The following ZNF628 variants were observed in gnomAD, a reference collection of about 807,000 sequenced individuals.
ZNF628 encodes zinc finger protein Zec.
In ZNF628, 3 loss-of-function variants were observed where a neutral mutation model predicts 2.5. That is an observed-to-expected ratio of 1.19 (90% confidence interval 0.54 to 3.07). ZNF628 has a LOEUF of 3.07. Ranked by LOEUF, ZNF628 falls within the 30% of genes most tolerant of loss-of-function variation. ZNF628 has a pLI of 0.03. For synonymous variants in ZNF628, 861 were observed against 717.1 expected, an observed-to-expected ratio of 1.20 and a Z score of -3.21; for missense variants, 1,610 against 1,517.1, an observed-to-expected ratio of 1.06 and a Z score of -1.02.
Position 55,482,265 on chromosome 19 carries a change from T to C in ZNF628, c.1072T>C (p.Cys358Arg), listed in dbSNP as rs1280775317. The change falls in exon 3 of 3, where the codon TGT (cysteine) becomes CGT (arginine). Residue 358 changes from cysteine to arginine, a missense_variant. Physicochemically the swap from Cys to Arg is radical, Grantham distance 180 (BLOSUM62 -3). Coordinates refer to ENST00000598519, the MANE Select transcript of ZNF628 (RefSeq NM_033113.3). ...CGCCGCCCCCGCGCCTGGCTTTGCC[T>C]GTCTGCCCTGCGGCAAGTCCTTCCG... ...PAAAPAPGFA[C>R]LPCGKSFRTV... 6.8e-7 allele frequency: 1 copy of C among 1,467,352 alleles called. No homozygotes were observed. The allele number at this position is 1,467,352 out of a possible 1,614,324, so 90.9% of individuals were successfully genotyped here.
In ZNF628 at chr19:55,481,741, A is replaced by G. The variant is rs777183893; in HGVS notation, c.548A>G (p.Lys183Arg). The change falls in exon 3 of 3, where the codon AAG becomes AGG. Residue 183 changes from lysine (K) to arginine (R), a missense_variant. Lys to Arg is a conservative substitution (Grantham distance 26). Coordinates refer to ENST00000598519, the MANE Select transcript of ZNF628 (RefSeq NM_033113.3). ...CCCTACACCTGTGGAGTCTGCGGGA[A>G]GAGCTTCACGCAGAGCACCAACCTG... ...ERPYTCGVCG[K>R]SFTQSTNLRQ... 3.1e-6 allele frequency: 5 copies of G among 1,611,858 alleles called. No homozygotes were observed. The highest frequency in any genetic ancestry group is 4.2e-6 in the Non-Finnish European group (5 of 1,179,230).
chr19:55,484,273 T>C lies in ZNF628; in HGVS notation c.3080T>C (p.Val1027Ala), dbSNP rs1323253994. The change falls in exon 3 of 3, where the codon GTC becomes GCC. Residue 1027 changes from valine to alanine, a missense_variant. Physicochemically the swap from Val to Ala is moderately conservative, Grantham distance 64 (BLOSUM62 0). This residue lies in a region of ZNF628 where 712 missense variants were observed against 603.6 expected (regional missense o/e 1.18). Coordinates refer to ENST00000598519, the MANE Select transcript of ZNF628 (RefSeq NM_033113.3). ...CCAGCCTCCCAGATGGTGCAAGTGG[T>C]CCCCGCAGGAGCTGGGCCTGGTGTT... ...GAPASQMVQV[V>A]PAGAGPGVMT... 1.9e-6 allele frequency: 3 copies of C among 1,545,860 alleles called. No homozygotes were observed. Among genetic ancestry groups the C allele is most frequent in the Non-Finnish European group, 2.6e-6 (3 of 1,144,684 alleles).
chr19:55,483,145 C>G lies in ZNF628; in HGVS notation c.1952C>G (p.Pro651Arg), dbSNP rs1336030721. Residue 651 changes from proline (P) to arginine (R), a missense_variant, in exon 3 of 3, where the codon CCC becomes CGC. Around this residue, in one of 5 missense-constraint regions of ZNF628, gnomAD observed 712 missense variants for 603.6 expected, o/e 1.18. Coordinates refer to ENST00000598519, the MANE Select transcript of ZNF628 (RefSeq NM_033113.3). ...LRTHAPANTP[P>R]STTAPAAGPQ... ...ACGCACGCCCCGGCCAACACGCCTC[C>G]CAGCACCACAGCCCCTGCCGCCGGC... The G allele has an allele frequency of 2.5e-6, 4 of 1,578,574 alleles. No individual in the cohort carries two copies. In the Admixed American group the frequency reaches 7.0e-5, roughly 28 times the overall value.
In ZNF628 at chr19:55,483,625, G is replaced by A; in HGVS notation, c.2432G>A (p.Gly811Glu). ...CAGAATGTGGGGGGTGGGGAGGCAG[G>A]GCCACAGGAAATGAGTGGGGTGCAG... Reference protein sequence around the residue: ...VLQNVGGGEAGPQEMSGVQLQ... With the variant: ...VLQNVGGGEAEPQEMSGVQLQ... The change falls in exon 3 of 3, where the codon GGG becomes GAG. Residue 811 changes from glycine to glutamate, a missense_variant. Physicochemically the swap from Gly to Glu is moderately conservative, Grantham distance 98. Transcript: ENST00000598519. The A allele has an allele frequency of 6.2e-7, 1 of 1,613,572 alleles. No individual in the cohort carries two copies.
Position 55,482,726 on chromosome 19 carries a change from CTG to C in ZNF628, c.1536_1537del (p.Cys512TrpfsTer373). 6.2e-7 allele frequency: 1 copy of C among 1,612,720 alleles called. No individual in the cohort carries two copies. On this transcript the variant is annotated frameshift_variant, in exon 3 of 3. Transcript: ENST00000598519. LOFTEE classifies it low-confidence loss of function (END_TRUNC). ...RVHTGLRAFTCGQCGLTFKWS... is the reference protein window; with the variant it reads ...RVHTGLRAFTXGQCGLTFKWS... ...TGCACACGGGCCTGCGGGCCTTCAC[CTG>C]TGGCCAGTGCGGCCTCACCTTCAAG...
At position 55,483,752 on chromosome 19, in the gene ZNF628, G is replaced by A. The variant is rs757029887; in HGVS notation, c.2559G>A (p.Thr853=). 6.2e-7 allele frequency: 1 copy of A among 1,612,834 alleles called. No individual in the cohort carries two copies. The highest frequency in any genetic ancestry group is 8.5e-7 in the Non-Finnish European group (1 of 1,179,266). The part of the protein sequence containing the change: ...VQLQPAQEVT[T]VQLQPAQEVT... ...TCCAGCCAGCACAGGAAGTAACCAC[G>A]GTCCAGCTCCAGCCAGCACAGGAGG... Residue 853 remains threonine (T), a synonymous_variant, in exon 3 of 3, where the codon ACG becomes ACA. Coordinates refer to ENST00000598519, the MANE Select transcript of ZNF628 (RefSeq NM_033113.3).
chr19:55,481,723 C>A lies in ZNF628; in HGVS notation c.530C>A (p.Thr177Asn). Residue 177 changes from threonine to asparagine, a missense_variant, in exon 3 of 3, where the codon ACC becomes AAC. Transcript: ENST00000598519. Reference sequence around the variant, plus strand: ...GTGCACACCGGCGAGCGGCCCTACACCTGTGGAGTCTGCGGGAAGAGCTTC... The same window carrying A: ...GTGCACACCGGCGAGCGGCCCTACAACTGTGGAGTCTGCGGGAAGAGCTTC... The part of the protein sequence containing the change: ...RHVHTGERPY[T>N]CGVCGKSFTQ... The A allele has an allele frequency of 6.2e-7, 1 of 1,612,228 alleles. No homozygotes were observed. The highest frequency in any genetic ancestry group is 8.5e-7 in the Non-Finnish European group (1 of 1,179,300).
In ZNF628 at chr19:55,483,126, G is replaced by C. The variant is rs776644070; in HGVS notation, c.1933G>C (p.Ala645Pro). Reference sequence around the variant, plus strand: ...TCTGCAGCGGCACCTGAGGACGCACGCCCCGGCCAACACGCCTCCCAGCAC... The same window carrying C: ...TCTGCAGCGGCACCTGAGGACGCACCCCCCGGCCAACACGCCTCCCAGCAC... Reference protein sequence around the residue: ...AYLQRHLRTHAPANTPPSTTA... With the variant: ...AYLQRHLRTHPPANTPPSTTA... The change falls in exon 3 of 3, where the codon GCC becomes CCC. Residue 645 changes from alanine (A) to proline (P), a missense_variant. By Grantham distance (27) the Ala-to-Pro change is conservative (BLOSUM62 -1). This residue lies in a region of ZNF628 where 712 missense variants were observed against 603.6 expected (regional missense o/e 1.18). Coordinates refer to ENST00000598519, the MANE Select transcript of ZNF628 (RefSeq NM_033113.3). The C allele has an allele frequency of 3.1e-6, 5 of 1,591,892 alleles. No individual in the cohort carries two copies. Among genetic ancestry groups the C allele is most frequent in the African/African-American group, 1.3e-5 (1 of 74,620 alleles).
rs1357149089 is a variant in ZNF628, at chr19:55,479,707, C to A, written c.-77-127C>A. 2 of 383,142 alleles carry A rather than the reference C, an allele frequency of 5.2e-6. No individual in the cohort carries two copies. Among genetic ancestry groups the A allele is most frequent in the Non-Finnish European group, 9.2e-6 (2 of 216,658 alleles). The allele number at this position is 383,142 out of a possible 1,614,324, so 23.7% of individuals were successfully genotyped here. ...ACTTGCCTCTCTAGTTAACAGATAA[C>A]CCCAAATGCCTCCAGGCATTGCGGG... is the stretch of plus-strand genomic sequence containing the variant. On this transcript the variant is annotated intron_variant, in intron 1 of 2. Transcript: ENST00000598519. This position sits in a 1 kb window ranked among gnomAD's most constrained non-coding sequence, Gnocchi z 5.1.
At chr19:55,478,349 C>T (rs566588252) in intron 1 of ZNF628, among the ~76,000 whole-genome samples, 7 of 152,218 alleles carry the variant, frequency 4.6e-5, no homozygotes, top group East Asian at 1.9e-4. Flanking sequence ...GGGATTTCAG[C>T]GAAGACTCGG....
rs759002883 is a variant in ZNF628, at chr19:55,483,876, G to A, written c.2683G>A (p.Gly895Arg). ...EAPNLLVVQS[G>R]AAEELLTGPG... ...ACCCAACCTGCTGGTTGTTCAGAGC[G>A]GGGCAGCTGAGGAGTTGCTCACTGG... Residue 895 changes from glycine to arginine, a missense_variant, in exon 3 of 3, where the codon GGG (glycine) becomes AGG (arginine). Physicochemically the swap from Gly to Arg is moderately radical, Grantham distance 125. This residue lies in a region of ZNF628 where 712 missense variants were observed against 603.6 expected (regional missense o/e 1.18). Transcript: ENST00000598519. 7 of 1,607,892 alleles carry A rather than the reference G, an allele frequency of 4.4e-6. No homozygotes were observed. The highest frequency in any genetic ancestry group is 1.7e-5 in the Admixed American group (1 of 59,350).
rs1986716225 is a variant in ZNF628 at position 55,481,874 on chromosome 19, C to CGCCGCCCCCGCCCCGGGT, written c.682_699dup (p.Ala228_Gly233dup). The CGCCGCCCCCGCCCCGGGT allele has an allele frequency of 1.9e-6, 3 of 1,538,748 alleles. No individual in the cohort carries two copies. The highest frequency in any genetic ancestry group is 2.6e-6 in the Non-Finnish European group (3 of 1,143,748). ...TGCTGCTGCACCAGCGCACGCACGG[C>CGCCGCCCCCGCCCCGGGT]GCCGCCCCCGCCCCGGGTACCGCCT... On this transcript the variant is annotated inframe_insertion, in exon 3 of 3. Transcript: ENST00000598519.
chr19:55,484,334 C>T lies in ZNF628; in HGVS notation c.3141C>T (p.Val1047=). The stretch of plus-strand genomic sequence containing the variant: ...AGGGCCTGCCCTCCATCCAGATTGT[C>T]CAGACTCTACCCGCAGTCCAGCTGG... ...TPQGLPSIQI[V]QTLPAVQLVH... Residue 1047 remains valine (V), a synonymous_variant, in exon 3 of 3, where the codon GTC becomes GTT. Transcript: ENST00000598519. 6.8e-7 allele frequency: 1 copy of T among 1,471,090 alleles called. No homozygotes were observed. The highest frequency in any genetic ancestry group is 1.4e-5 in the South Asian group (1 of 72,720). 91.1% of individuals were successfully genotyped at this position (1,471,090 alleles called of 1,614,324 possible).
At chr19:55,478,543 C>G (rs796528054) in intron 1 of ZNF628, among the ~76,000 whole-genome samples, 1 of 152,128 alleles carries the variant, frequency 6.6e-6, no homozygotes, top group Non-Finnish European at 1.5e-5. Flanking sequence ...TCGGCAGGCT[C>G]GAAGACCAGA....
intron 2 of ZNF628, among the ~76,000 whole-genome samples, chr19:55,480,412 ATTAT>A (rs1259924062): frequency 4.0e-5 from 6 of 151,004 alleles, no homozygotes; most frequent in South Asian, 2.1e-4. Context: ...CGTCCAGCTA[ATTAT>A]TTATTTATTT....
Position 55,482,717 on chromosome 19 carries a change from G to A in ZNF628, c.1524G>A (p.Arg508=), listed in dbSNP as rs1403381716. 2.5e-6 allele frequency: 4 copies of A among 1,612,674 alleles called. No individual in the cohort carries two copies. The highest frequency in any genetic ancestry group is 1.7e-5 in the Admixed American group (1 of 59,982). Residue 508 remains arginine, a synonymous_variant, in exon 3 of 3, where the codon CGG becomes CGA. Coordinates refer to ENST00000598519, the MANE Select transcript of ZNF628 (RefSeq NM_033113.3). The part of the protein sequence containing the change: ...AIHQRVHTGL[R]AFTCGQCGLT... ...ACCAGCGGGTGCACACGGGCCTGCG[G>A]GCCTTCACCTGTGGCCAGTGCGGCC...
In ZNF628 at chr19:55,484,131, G is replaced by T. The variant is rs200434264; in HGVS notation, c.2938G>T (p.Ala980Ser). The change falls in exon 3 of 3, where the codon GCC (alanine) becomes TCC (serine). Residue 980 changes from alanine (A) to serine (S), a missense_variant. Coordinates refer to ENST00000598519, the MANE Select transcript of ZNF628 (RefSeq NM_033113.3). ...ACAGAAACTCCTCATCATCCGCAGCGCCCCAGCCACTGAGCTGCTGGACAG... is the reference window on the plus strand; with the variant it reads ...ACAGAAACTCCTCATCATCCGCAGCTCCCCAGCCACTGAGCTGCTGGACAG... ...PGQKLLIIRS[A>S]PATELLDSSN... 4 of 1,586,184 alleles carry T rather than the reference G, an allele frequency of 2.5e-6. No homozygotes were observed. Among genetic ancestry groups the T allele is most frequent in the African/African-American group, 1.4e-5 (1 of 73,928 alleles).
chr19:55,483,908 C>G lies in ZNF628; in HGVS notation c.2715C>G (p.Gly905=). 1 of 1,588,628 alleles carries G rather than the reference C, an allele frequency of 6.3e-7. No individual in the cohort carries two copies. The highest frequency in any genetic ancestry group is 1.1e-5 in the South Asian group (1 of 87,606). ...CTGAGGAGTTGCTCACTGGCCCGGG[C>G]CCCGGGGAGGCGGGGGATGGCGAGG... ...GAAEELLTGP[G]PGEAGDGEAS... The change falls in exon 3 of 3, where the codon GGC becomes GGG. Residue 905 remains glycine, a synonymous_variant. Transcript: ENST00000598519.
rs561206668 is a variant in ZNF628 at position 55,479,304 on chromosome 19, C to T, written c.-77-530C>T. On this transcript the variant is annotated intron_variant, in intron 1 of 2. Coordinates refer to ENST00000598519, the MANE Select transcript of ZNF628 (RefSeq NM_033113.3). The surrounding 1 kb of genome is among the most constrained non-coding windows in gnomAD (Gnocchi z 5.1). ...CCGCCCAGGCCATGGAGTGGGGGCA[C>T]CCGCGTGGGACTGAAGGGGTTTGCG... Among the ~76,000 whole-genome samples the T allele has an allele frequency of 2.4e-4, 36 of 152,262 alleles. No homozygotes were observed. Among genetic ancestry groups the T allele is most frequent in the Non-Finnish European group, 4.1e-4 (28 of 68,014 alleles).
Sources: gnomAD v4.1 joint callset for allele counts (sites outside exome capture counted in the v4.1 genomes callset) on GRCh38, gnomAD v4.1.1 for gene constraint, gnomAD v4.1.1 regional missense constraint, Gnocchi (gnomAD v3.1) non-coding constraint, MANE v1.5 for transcripts, NCBI Gene and HGNC (gene_info 2026-07-23, HGNC 2026-07-21) for gene names.